Variants in SPATA16 observed in about 807,000 individuals in gnomAD.
SPATA16 encodes spermatogenesis-associated protein 16.
In SPATA16, 36 loss-of-function variants were observed where a neutral mutation model predicts 63.3. The ratio of observed to expected loss-of-function variants is 0.57; its 90% confidence interval spans 0.44 to 0.75. The LOEUF is 0.75. Among genes scored for constraint, SPATA16 ranks in the 30% least tolerant of loss-of-function variants. The probability of loss-of-function intolerance (pLI) is 0.00; values close to 1 mark genes in which losing one functional copy is unlikely to be tolerated. For missense variants in SPATA16, 646 were observed against 679.3 expected, an observed-to-expected ratio of 0.95 and a Z score of 0.54; for synonymous variants, 203 against 216.7, an observed-to-expected ratio of 0.94 and a Z score of 0.56.
chr3:173,137,962 T>G (rs1738596566), intron 1 of SPATA16, among the ~76,000 whole-genome samples: 1 of 152,104 alleles, frequency 6.6e-6, no homozygotes, highest in South Asian at 2.1e-4. Context: ...CTTTCTTTCT[T>G]CACCTTAAAC....
intron 4 of SPATA16, among the ~76,000 whole-genome samples, chr3:172,983,202 T>C (rs570953857): frequency 2.0e-5 from 3 of 152,330 alleles, no homozygotes; most frequent in East Asian, 3.9e-4. Context: ...CCAGTGTTAA[T>C]GCAACCCAAC....
At chr3:172,993,455 T>A (rs1322037579) in intron 4 of SPATA16, among the ~76,000 whole-genome samples, 1 of 152,044 alleles carries the variant, frequency 6.6e-6, no homozygotes, top group African/African-American at 2.4e-5. Context: ...AAGTAGTAAT[T>A]AATTGAGGGC....
intron 2 of SPATA16, among the ~76,000 whole-genome samples, chr3:173,061,316 C>G (rs1303266614): frequency 6.6e-6 from 1 of 152,210 alleles, no homozygotes; most frequent in Non-Finnish European, 1.5e-5. Flanking sequence ...TGTTGGCACT[C>G]TAGTTGCAAG....
intron 6 of SPATA16, among the ~76,000 whole-genome samples, chr3:172,939,788 A>G (rs527565632): frequency 2.6e-5 from 4 of 152,288 alleles, no homozygotes; most frequent in Admixed American, 6.5e-5. Context: ...ATCTGAGTAT[A>G]TGCTAATGAG....
At chr3:173,137,521 C>T (rs1411737112) in intron 1 of SPATA16, among the ~76,000 whole-genome samples, 2 of 152,132 alleles carry the variant, frequency 1.3e-5, no homozygotes, top group African/African-American at 2.4e-5. Flanking sequence ...ATGGCAGCTG[C>T]AGAAGATAAA....
chr3:173,112,553 G>A lies in SPATA16; in HGVS notation c.612+4567C>T, dbSNP rs748297723. On this transcript the variant is annotated intron_variant, in intron 2 of 10. Transcript: ENST00000351008. ...CTGTCCACCCTTGGTTTTCTCATTA[G>A]TAACACAATAATAATAACAGTATTA... 2.2e-4 allele frequency among the ~76,000 whole-genome samples: 34 copies of A among 152,104 alleles called. 1 individual carries two copies. Among genetic ancestry groups the A allele is most frequent in the Admixed American group, 4.6e-4 (7 of 15,266 alleles).
At chr3:173,023,084 A>T (rs1269582911) in intron 3 of SPATA16, among the ~76,000 whole-genome samples, 1 of 151,662 alleles carries the variant, frequency 6.6e-6, no homozygotes, top group Non-Finnish European at 1.5e-5. Flanking sequence ...CTATTTGTGG[A>T]TACTTTAAAA....
chr3:172,926,370 G>C (rs1360690483), intron 6 of SPATA16, among the ~76,000 whole-genome samples: 25 of 152,164 alleles, frequency 1.6e-4, no homozygotes, highest in Admixed American at 1.6e-3. Context: ...GACTGTAAGA[G>C]CTAATATTTA....
chr3:172,956,744 A>G lies in SPATA16; in HGVS notation c.1014T>C (p.Asp338=). 6.2e-7 allele frequency: 1 copy of G among 1,613,308 alleles called. No individual in the cohort carries two copies. Among genetic ancestry groups the G allele is most frequent in the Non-Finnish European group, 8.5e-7 (1 of 1,179,548 alleles). Residue 338 remains aspartate (D), a synonymous_variant, in exon 6 of 11, where the codon GAT becomes GAC. Transcript: ENST00000351008. The part of the protein sequence containing the change: ...YTPFATKIRA[D]KIEKVKDAFT... ...AAGCATCTTTTACTTTTTCTATTTT[A>G]TCAGCTCTTATTTTTGTCGCAAATG...
intron 6 of SPATA16, among the ~76,000 whole-genome samples, chr3:172,936,780 T>G (rs1017216987): frequency 3.3e-5 from 5 of 152,234 alleles, no homozygotes; most frequent in Admixed American, 2.6e-4. Flanking sequence ...TGATCTCGGC[T>G]TACTGCAACC....
chr3:173,111,143 G>A (rs1577179877), intron 2 of SPATA16, among the ~76,000 whole-genome samples: 1 of 152,136 alleles, frequency 6.6e-6, no homozygotes, highest in South Asian at 2.1e-4. Context: ...TTTTTTTAGA[G>A]CATCAGTTTT....
chr3:173,018,623 A>G (rs1387094019), intron 4 of SPATA16, among the ~76,000 whole-genome samples: 1 of 152,118 alleles, frequency 6.6e-6, no homozygotes, highest in Non-Finnish European at 1.5e-5. Flanking sequence ...AATGTCAAAG[A>G]TAGTATTATT....
chr3:172,918,426 C>T (rs1284759199), intron 8 of SPATA16, among the ~76,000 whole-genome samples: 1 of 152,080 alleles, frequency 6.6e-6, no homozygotes, highest in East Asian at 1.9e-4. Context: ...AGGAAGTGCT[C>T]TATTTGAATA....
chr3:172,913,036 A>C (rs996277945), intron 10 of SPATA16, among the ~76,000 whole-genome samples: 2 of 152,162 alleles, frequency 1.3e-5, no homozygotes, highest in African/African-American at 4.8e-5. Flanking sequence ...ATGAATGGGG[A>C]GTTGATTGAT....
chr3:172,919,031 A>G (rs935190685), intron 8 of SPATA16, among the ~76,000 whole-genome samples: 2 of 152,230 alleles, frequency 1.3e-5, no homozygotes, highest in Non-Finnish European at 2.9e-5. Context: ...TTCATTTCAA[A>G]TGTGCATATG....
chr3:173,009,098 A>T (rs889640775), intron 4 of SPATA16, among the ~76,000 whole-genome samples: 4 of 151,798 alleles, frequency 2.6e-5, no homozygotes, highest in Admixed American at 2.0e-4. Flanking sequence ...TCTGCACTTT[A>T]AAAAAACTGA....
chr3:172,978,492 C>T (rs953738543), intron 4 of SPATA16, among the ~76,000 whole-genome samples: 2 of 152,074 alleles, frequency 1.3e-5, no homozygotes, highest in Admixed American at 1.3e-4. Flanking sequence ...AATAGAAATT[C>T]ATTTAATAAA....
intron 10 of SPATA16, among the ~76,000 whole-genome samples, chr3:172,905,257 A>G (rs1219958721): frequency 6.6e-6 from 1 of 152,164 alleles, no homozygotes; most frequent in Non-Finnish European, 1.5e-5. Flanking sequence ...AGAACAAGAC[A>G]CACAGGAAAA....
At position 173,140,653 on chromosome 3, in the gene SPATA16, G is replaced by GT. The variant is rs968436820; in HGVS notation, c.-19+449dup. 3.1e-4 allele frequency among the ~76,000 whole-genome samples: 47 copies of GT among 152,208 alleles called. 1 individual carries two copies. The highest frequency in any genetic ancestry group is 1.1e-3 in the African/African-American group (46 of 41,532). On this transcript the variant is annotated intron_variant, in intron 1 of 10. Transcript: ENST00000351008. The stretch of plus-strand genomic sequence containing the variant: ...TTATGCGTTAAGGAGACAACAACCC[G>GT]TATCACAAATGATAAAATGTGAACT...
Sources: gnomAD v4.1 joint callset for allele counts (sites outside exome capture counted in the v4.1 genomes callset) on GRCh38, gnomAD v4.1.1 for gene constraint, MANE v1.5 for transcripts, NCBI Gene and HGNC (gene_info 2026-07-23, HGNC 2026-07-21) for gene names.